DNAJC15: variants seen among roughly 807,000 people sequenced by gnomAD.
DNAJC15 encodes the protein DnaJ heat shock protein family (Hsp40) member C15.
DNAJC15 carries 27 observed loss-of-function variants against 22.4 expected under a neutral mutation model. The ratio of observed to expected loss-of-function variants is 1.20; its 90% CI spans 0.89 to 1.66. The LOEUF is 1.66. Among genes scored for constraint, DNAJC15 ranks in the 40% most tolerant of loss-of-function variants. The pLI is 0.00. For missense variants in DNAJC15, 208 were observed against 187.1 expected (o/e 1.11, Z -0.65); for synonymous variants, 79 against 63.2 (o/e 1.25, Z -1.19).
intron 2 of DNAJC15, among the ~76,000 whole-genome samples, 183 bp from the exon 3 acceptor site, chr13:43,068,747 T>C (rs1295328829): frequency 4.6e-5 from 7 of 152,130 alleles, no homozygotes; most frequent in Non-Finnish European, 8.8e-5. Flanking sequence ...GGTATTAACA[T>C]GAAATTTTGC....
chr13:43,023,761 C>T (rs750078286), intron 1 of DNAJC15, 27 bp downstream of exon 1: 6 of 1,573,486 alleles, frequency 3.8e-6, no homozygotes, highest in East Asian at 2.3e-5. Flanking sequence ...GCCCCCACCC[C>T]TCTCTGGCTC....
In DNAJC15 at chr13:43,085,839, G is replaced by T; in HGVS notation, c.382+1G>T. ...ATGATTTTGAATCACCCAGATAAAG[G>T]TAGGTAGAATTCCTATTTTTCATAA... On this transcript the variant is annotated splice_donor_variant, in intron 5 of 5. Coordinates refer to ENST00000379221, the MANE Select transcript of DNAJC15 (RefSeq NM_013238.3). LOFTEE classifies it high-confidence loss of function. 1 of 1,612,290 alleles carries T rather than the reference G, an allele frequency of 6.2e-7. No homozygotes were observed. The highest frequency in any genetic ancestry group is 1.1e-5 in the South Asian group (1 of 90,698).
intron 2 of DNAJC15, among the ~76,000 whole-genome samples, chr13:43,066,419 G>A (rs1439352555): frequency 1.3e-5 from 2 of 151,982 alleles, no homozygotes; most frequent in Non-Finnish European, 1.5e-5. Flanking sequence ...ACCTCTGTCT[G>A]ACTGTCACTC....
At chr13:43,104,135 A>G (rs1302042476) in intron 5 of DNAJC15, among the ~76,000 whole-genome samples, 12 of 152,204 alleles carry the variant, frequency 7.9e-5, no homozygotes. Flanking sequence ...GCATGTAATC[A>G]CTAACAGTCA....
At position 43,085,841 on chromosome 13, in the gene DNAJC15, A is replaced by G; in HGVS notation, c.382+3A>G. The stretch of plus-strand genomic sequence containing the variant: ...GATTTTGAATCACCCAGATAAAGGT[A>G]GGTAGAATTCCTATTTTTCATAATA... On this transcript the variant is annotated splice_donor_region_variant and intron_variant, in intron 5 of 5. Coordinates refer to ENST00000379221, the MANE Select transcript of DNAJC15 (RefSeq NM_013238.3). The G allele has an allele frequency of 6.2e-7, 1 of 1,612,022 alleles. No individual in the cohort carries two copies. Among genetic ancestry groups the G allele is most frequent in the Non-Finnish European group, 8.5e-7 (1 of 1,178,820 alleles).
intron 5 of DNAJC15, among the ~76,000 whole-genome samples, chr13:43,101,510 C>T (rs1418340275): frequency 6.6e-6 from 1 of 152,170 alleles, no homozygotes; most frequent in African/African-American, 2.4e-5. Context: ...TTGGTGCACT[C>T]ATCACCCAAG....
intron 1 of DNAJC15, among the ~76,000 whole-genome samples, chr13:43,064,676 A>G (rs2040574875): frequency 6.6e-6 from 1 of 152,208 alleles, no homozygotes; most frequent in Non-Finnish European, 1.5e-5. Flanking sequence ...AATAAAGGCA[A>G]TTCAGGGATG....
chr13:43,066,091 A>G (rs1391353578), intron 2 of DNAJC15, among the ~76,000 whole-genome samples: 1 of 152,154 alleles, frequency 6.6e-6, no homozygotes, highest in African/African-American at 2.4e-5. Flanking sequence ...TTTTTCTTGC[A>G]GACAGGTTTA....
rs567152987 is a variant in DNAJC15, at chr13:43,071,746, G to C, written c.234+2743G>C. On this transcript the variant is annotated intron_variant, in intron 3 of 5. Transcript: ENST00000379221. ...CTGTCATTCAAAAAAGATTGTCCAA[G>C]GCTCAAGTTTCAACGGGGGGTCTCT... Among the ~76,000 whole-genome samples the C allele has an allele frequency of 2.0e-5, 3 of 152,236 alleles. No individual in the cohort carries two copies. The South Asian group carries it at 6.2e-4, about 32-fold the overall frequency.
chr13:43,068,968 G>T lies in DNAJC15; in HGVS notation c.199G>T (p.Val67Phe). ...AFRIWKPLEQ[V>F]ITETAKKIST... ...TCGGATCTGGAAACCTCTAGAACAA[G>T]TTATCACAGAAACTGCAAAGAAGAT... Residue 67 changes from valine to phenylalanine, a missense_variant, in exon 3 of 6, where the codon GTT becomes TTT. Physicochemically the swap from Val to Phe is conservative, Grantham distance 50. Transcript: ENST00000379221. 6.2e-7 allele frequency: 1 copy of T among 1,613,050 alleles called. No individual in the cohort carries two copies. Among genetic ancestry groups the T allele is most frequent in the South Asian group, 1.1e-5 (1 of 90,952 alleles).
chr13:43,084,100 A>G lies in DNAJC15; in HGVS notation c.312-1668A>G, dbSNP rs191383263. Among the ~76,000 whole-genome samples the G allele has an allele frequency of 2.6e-3, 399 of 152,328 alleles. 1 individual carries two copies. Among genetic ancestry groups the G allele is most frequent in the Non-Finnish European group, 2.0e-3 (139 of 68,024 alleles). ...TGATAGCATAGGGGAGGCACTGTTC[A>G]AAATAGAACTTAAATGAATAACATT... is the stretch of plus-strand genomic sequence containing the variant. On this transcript the variant is annotated intron_variant, in intron 4 of 5. Transcript: ENST00000379221.
chr13:43,081,733 G>A (rs1173570010), intron 4 of DNAJC15, among the ~76,000 whole-genome samples: 1 of 151,872 alleles, frequency 6.6e-6, no homozygotes, highest in East Asian at 1.9e-4. Flanking sequence ...CACCATGCCT[G>A]GCACATTTAT....
At chr13:43,051,099 C>T (rs141394217) in intron 1 of DNAJC15, among the ~76,000 whole-genome samples, 2,740 of 152,104 alleles carry the variant, frequency 0.018, 98 homozygotes, top group East Asian at 0.13. Flanking sequence ...CTCAGCCTCC[C>T]GAGTAGCTGG....
chr13:43,060,721 A>G (rs2040554838), intron 1 of DNAJC15, among the ~76,000 whole-genome samples: 1 of 152,224 alleles, frequency 6.6e-6, no homozygotes, highest in African/African-American at 2.4e-5. Flanking sequence ...GGAGCCACTA[A>G]ATACCAAGAG....
In DNAJC15 at chr13:43,109,637, A is replaced by G. The variant is rs1222466186; in HGVS notation, c.*2389A>G. The stretch of plus-strand genomic sequence containing the variant: ...ATCTTCCTGTTATGTGATCTTGGGC[A>G]GTTACTTAATTTTCTAGTCAATAAC... On this transcript the variant is annotated 3_prime_UTR_variant, in exon 6 of 6. Transcript: ENST00000379221. 1.3e-5 allele frequency: 2 copies of G among 152,002 alleles called. No homozygotes were observed. The allele number at this position is 152,002 out of a possible 1,614,324, so 9.4% of individuals were successfully genotyped here.
At chr13:43,042,522 G>A (rs9533356) in intron 1 of DNAJC15, among the ~76,000 whole-genome samples, 2 of 151,958 alleles carry the variant, frequency 1.3e-5, no homozygotes, top group Non-Finnish European at 2.9e-5. Context: ...CAACTAGGAT[G>A]GGGGGATATG....
At chr13:43,067,146 TAG>T (rs1164390487) in intron 2 of DNAJC15, among the ~76,000 whole-genome samples, 1 of 152,244 alleles carries the variant, frequency 6.6e-6, no homozygotes, top group Non-Finnish European at 1.5e-5. Flanking sequence ...TTTGGCTATA[TAG>T]AGTTTAGTAA....
chr13:43,091,350 A>G (rs949460542), intron 5 of DNAJC15, among the ~76,000 whole-genome samples: 3 of 152,224 alleles, frequency 2.0e-5, no homozygotes, highest in Non-Finnish European at 4.4e-5. Flanking sequence ...GGCCTCCCAA[A>G]GTGCTGGGAT....
rs768695891 is a variant in DNAJC15 at position 43,023,711 on chromosome 13, G to A, written c.85G>A (p.Ala29Thr). 1.2e-6 allele frequency: 2 copies of A among 1,611,312 alleles called. No individual in the cohort carries two copies. ...GCAGCCCTCGGCCAAACGGCCAGAC[G>A]CCGACGTCGACCAGCAGAGACTGGT... ...YLQPSAKRPD[A>T]DVDQQRLVRS... The change falls in exon 1 of 6, where the codon GCC becomes ACC. Residue 29 changes from alanine to threonine, a missense_variant. Coordinates refer to ENST00000379221, the MANE Select transcript of DNAJC15 (RefSeq NM_013238.3).
Sources: allele counts gnomAD v4.1 joint callset (sites outside exome capture counted in the v4.1 genomes callset), GRCh38; gene constraint gnomAD v4.1.1; transcripts MANE v1.5; gene names NCBI Gene and HGNC (gene_info 2026-07-23, HGNC 2026-07-21).